The following TP53BP2 variants were observed in gnomAD, a reference collection of about 807,000 sequenced individuals.
TP53BP2 encodes the protein tumor protein p53 binding protein 2.
A neutral mutation model predicts 126.2 loss-of-function variants in TP53BP2; 62 were observed. The observed-to-expected ratio is 0.49, with a 90% CI of 0.40 to 0.61. The LOEUF (loss-of-function observed/expected upper bound fraction) is 0.61, where lower values mean the gene tolerates loss of function less well. TP53BP2 is among the 20% of genes least tolerant of loss of function. The probability of loss-of-function intolerance (pLI) is 0.00; values close to 1 mark genes in which losing one functional copy is unlikely to be tolerated. For missense variants in TP53BP2, 1,215 were observed against 1,402.8 expected (o/e 0.87, Z 2.14); for synonymous variants, 485 against 502.9 (o/e 0.96, Z 0.48).
chr1:223,814,103 G>T (rs1361760911), intron 3 of TP53BP2, 137 bp downstream of exon 3: 3 of 621,214 alleles, frequency 4.8e-6, no homozygotes, highest in Non-Finnish European at 8.5e-6. Flanking sequence ...CCCCTCGACA[G>T]CCTATCTCCA....
At chr1:223,807,262 T>C (rs996716415) in intron 4 of TP53BP2, among the ~76,000 whole-genome samples, 6 of 152,224 alleles carry the variant, frequency 3.9e-5, no homozygotes, top group African/African-American at 1.4e-4. Flanking sequence ...CTGTAATTTA[T>C]ATTACAACAG....
intron 15 of TP53BP2, among the ~76,000 whole-genome samples, chr1:223,789,906 T>A (rs926379404): frequency 6.6e-6 from 1 of 151,952 alleles, no homozygotes; most frequent in Non-Finnish European, 1.5e-5. Flanking sequence ...AGTGTGAAAA[T>A]GTTAATCAGG....
chr1:223,837,687 C>T (rs1663970029), intron 1 of TP53BP2, among the ~76,000 whole-genome samples: 1 of 152,102 alleles, frequency 6.6e-6, no homozygotes, highest in Admixed American at 6.5e-5. Context: ...CTACTCTTCC[C>T]ACCTTGCCCA....
chr1:223,810,356 A>G, intron 4 of TP53BP2, 75 bp downstream of exon 4: 1 of 1,100,182 alleles, frequency 9.1e-7, no homozygotes, highest in East Asian at 2.6e-5. Flanking sequence ...TAACAAAGTA[A>G]TAATGAATAA....
chr1:223,831,399 C>CAA (rs530821786), intron 1 of TP53BP2, among the ~76,000 whole-genome samples: 4 of 64,968 alleles, frequency 6.2e-5, no homozygotes, highest in African/African-American at 2.4e-4. Flanking sequence ...CGCTGTCTCC[C>CAA]AAAAAAAAAA....
At chr1:223,784,432 CTACATTA>C in intron 16 of TP53BP2, 118 bp from the exon 17 acceptor site, 2 of 872,316 alleles carry the variant, frequency 2.3e-6, no homozygotes, top group Non-Finnish European at 3.6e-6. Flanking sequence ...AATGTTAGTA[CTACATTA>C]AATATACAAT....
At chr1:223,842,523 C>G (rs1360568663) in intron 1 of TP53BP2, among the ~76,000 whole-genome samples, 1 of 152,192 alleles carries the variant, frequency 6.6e-6, no homozygotes, top group Non-Finnish European at 1.5e-5. Flanking sequence ...TTCAAGCCTT[C>G]TGGTCTTCCA....
intron 3 of TP53BP2, 78 bp downstream of exon 3, chr1:223,814,162 C>G: frequency 1.9e-6 from 2 of 1,039,218 alleles, no homozygotes; most frequent in Non-Finnish European, 2.9e-6. Flanking sequence ...TACCTGGCTT[C>G]TCATCATGTG....
intron 1 of TP53BP2, among the ~76,000 whole-genome samples, chr1:223,844,772 C>A (rs77026421): frequency 0.014 from 2,188 of 152,290 alleles, 111 homozygotes; most frequent in East Asian, 0.13. Flanking sequence ...ATTCCACAGA[C>A]TTCATAAAAG....
chr1:223,796,055 G>A lies in TP53BP2; in HGVS notation c.2484C>T (p.Asp828=). 1 of 1,614,166 alleles carries A rather than the reference G, an allele frequency of 6.2e-7. No homozygotes were observed. Among genetic ancestry groups the A allele is most frequent in the Non-Finnish European group, 8.5e-7 (1 of 1,180,014 alleles). ...CAAGGCCTGGAGAAGGAGCTGGCAT[G>A]TCACTGTTCTCTGTACTGGCATTCC... ...DVGNASTENS[D]MPAPSPGLDY... The change falls in exon 13 of 18, where the codon GAC becomes GAT. Residue 828 remains aspartate (D), a synonymous_variant. Coordinates refer to ENST00000343537, the MANE Select transcript of TP53BP2 (RefSeq NM_001031685.3). This position sits in a 1 kb window ranked among gnomAD's most constrained non-coding sequence, Gnocchi z 4.2.
Position 223,831,475 on chromosome 1 carries a change from AAAAAAAT to A in TP53BP2, c.28-10115_28-10109del, listed in dbSNP as rs1489264238. 2.3e-4 allele frequency among the ~76,000 whole-genome samples: 11 copies of A among 47,070 alleles called. No homozygotes were observed. In the East Asian group the frequency reaches 2.8e-3, roughly 12 times the overall value. 30.9% of individuals were successfully genotyped at this position (47,070 alleles called of 152,430 possible). ...ACACATATGTACCATCTAAAAAAAA[AAAAAAAT>A]ATATATATATATATATATATATATA... On this transcript the variant is annotated intron_variant, in intron 1 of 17. Transcript: ENST00000343537.
At chr1:223,788,006 C>A (rs530411032) in intron 16 of TP53BP2, among the ~76,000 whole-genome samples, 34 of 152,232 alleles carry the variant, frequency 2.2e-4, no homozygotes, top group Non-Finnish European at 3.1e-4. Flanking sequence ...GAGTTTGGGG[C>A]TACAGTGGGC....
At chr1:223,781,203 C>A (rs1220930515) in intron 17 of TP53BP2, among the ~76,000 whole-genome samples, 1 of 150,786 alleles carries the variant, frequency 6.6e-6, no homozygotes, top group Non-Finnish European at 1.5e-5. Context: ...TGTAAATCGG[C>A]TCTATGTAAA....
intron 12 of TP53BP2, among the ~76,000 whole-genome samples, chr1:223,797,862 ACAGG>A (rs1290637630): frequency 6.6e-6 from 1 of 152,092 alleles, no homozygotes; most frequent in East Asian, 1.9e-4. Flanking sequence ...ACACACACAG[ACAGG>A]GGCAGTGGTC....
intron 1 of TP53BP2, among the ~76,000 whole-genome samples, chr1:223,837,155 A>AGCGGG (rs1558111841): frequency 2.0e-4 from 15 of 76,702 alleles, no homozygotes; most frequent in East Asian, 7.5e-4. Context: ...TAAAAAAAAA[A>AGCGGG]GGGGGGGGGC....
rs370505462 is a variant in TP53BP2, at chr1:223,802,337, G to C, written c.1004C>G (p.Ser335Cys). ...LQQKENLPVS[S>C]DGNLPQQAAS... The stretch of plus-strand genomic sequence containing the variant: ...GGCTTGCTGGGGAAGATTTCCATCA[G>C]ATGAAACCTTAGGAAAGAAGCACAG... The change falls in exon 9 of 18, where the codon TCT (serine) becomes TGT (cysteine). Residue 335 changes from serine (S) to cysteine (C), a missense_variant. Physicochemically the swap from Ser to Cys is moderately radical, Grantham distance 112. Around this residue, in one of 4 missense-constraint regions of TP53BP2, gnomAD observed 814 missense variants for 853.0 expected, o/e 0.95. Coordinates refer to ENST00000343537, the MANE Select transcript of TP53BP2 (RefSeq NM_001031685.3). The C allele has an allele frequency of 1.5e-5, 25 of 1,613,954 alleles. No individual in the cohort carries two copies. In the East Asian group the frequency reaches 5.3e-4, roughly 35 times the overall value.
chr1:223,800,924 C>T, intron 9 of TP53BP2, 114 bp from the exon 10 acceptor site: 1 of 654,282 alleles, frequency 1.5e-6, no homozygotes, highest in Non-Finnish European at 2.6e-6. Flanking sequence ...AGACTCACAA[C>T]ACCCCAATAA....
chr1:223,826,289 C>T (rs1305141293), intron 1 of TP53BP2, among the ~76,000 whole-genome samples: 2 of 152,128 alleles, frequency 1.3e-5, no homozygotes, highest in Non-Finnish European at 2.9e-5. Flanking sequence ...GACAGAGGGT[C>T]GTTATTAAAC....
chr1:223,799,881 C>T lies in TP53BP2; in HGVS notation c.1485+18G>A, dbSNP rs533043340. 10 of 1,555,106 alleles carry T rather than the reference C, an allele frequency of 6.4e-6. No individual in the cohort carries two copies. Among genetic ancestry groups the T allele is most frequent in the Non-Finnish European group, 8.6e-6 (10 of 1,157,700 alleles). ...AGAATTACTATTAAATTTTAAAAAC[C>T]AGGATATTTGTAGGTACCTGAGCAT... On this transcript the variant is annotated intron_variant, in intron 11 of 17. Coordinates refer to ENST00000343537, the MANE Select transcript of TP53BP2 (RefSeq NM_001031685.3).
Sources: gnomAD v4.1 joint callset for allele counts (sites outside exome capture counted in the v4.1 genomes callset) on GRCh38, gnomAD v4.1.1 for gene constraint, gnomAD v4.1.1 regional missense constraint, Gnocchi (gnomAD v3.1) non-coding constraint, MANE v1.5 for transcripts, NCBI Gene and HGNC (gene_info 2026-07-23, HGNC 2026-07-21) for gene names.